Variants in ZNF618 observed in about 807,000 individuals in gnomAD.
The protein encoded by ZNF618 is zinc finger protein 618.
A neutral mutation model predicts 103.0 loss-of-function variants in ZNF618; 34 were observed. The observed-to-expected ratio is 0.33, with a 90% confidence interval of 0.25 to 0.44. ZNF618 has a LOEUF of 0.44. ZNF618 is among the 20% of genes least tolerant of loss of function. ZNF618 has a pLI of 1.00. For missense variants in ZNF618, 1,059 were observed against 1,295.4 expected, an observed-to-expected ratio of 0.82 and a Z score of 2.80; for synonymous variants, 551 against 542.2, an observed-to-expected ratio of 1.02 and a Z score of -0.23.
At chr9:113,885,114 C>A (rs1828940480) in intron 1 of ZNF618, among the ~76,000 whole-genome samples, 1 of 152,100 alleles carries the variant, frequency 6.6e-6, no homozygotes, top group African/African-American at 2.4e-5. Flanking sequence ...AGGGGAGACG[C>A]CTGTGGCTAG....
chr9:114,019,812 A>T (rs1842928654), intron 10 of ZNF618, among the ~76,000 whole-genome samples: 1 of 152,142 alleles, frequency 6.6e-6, no homozygotes, highest in Non-Finnish European at 1.5e-5. Flanking sequence ...TGATTTTCAT[A>T]CAGCATCATT....
chr9:113,890,158 A>AT (rs1829482208), intron 1 of ZNF618, among the ~76,000 whole-genome samples: 3 of 152,118 alleles, frequency 2.0e-5, no homozygotes, highest in South Asian at 2.1e-4. Flanking sequence ...CTCCACTTCC[A>AT]TTTTTTTCCC....
intron 13 of ZNF618, among the ~76,000 whole-genome samples, chr9:114,042,087 T>C (rs1845241869): frequency 1.3e-5 from 2 of 152,226 alleles, no homozygotes; most frequent in Admixed American, 1.3e-4. Context: ...AGGCTATTTG[T>C]TTTCATTGGA....
chr9:113,982,481 A>T (rs568271095), intron 2 of ZNF618, among the ~76,000 whole-genome samples: 1 of 152,192 alleles, frequency 6.6e-6, no homozygotes, highest in Admixed American at 6.5e-5. Context: ...GAGGACACTT[A>T]CTGCATTTAG....
At chr9:114,048,382 A>C (rs1222119630) in intron 14 of ZNF618, among the ~76,000 whole-genome samples, 1 of 152,194 alleles carries the variant, frequency 6.6e-6, no homozygotes, top group African/African-American at 2.4e-5. Flanking sequence ...GGCTTCAAAG[A>C]TCTAGGGGAA....
intron 1 of ZNF618, among the ~76,000 whole-genome samples, chr9:113,922,601 GGTATATTTTT>G (rs989970098): frequency 6.6e-6 from 1 of 151,526 alleles, no homozygotes; most frequent in East Asian, 1.9e-4. Flanking sequence ...TATTAGTTTG[GGTATATTTTT>G]GGGCTTTCTA....
chr9:114,041,091 G>C (rs1436301445), intron 13 of ZNF618, among the ~76,000 whole-genome samples: 6 of 152,176 alleles, frequency 3.9e-5, no homozygotes, highest in South Asian at 2.1e-4. Context: ...GTGATGATGA[G>C]CATTTTTTCA....
At chr9:114,036,922 T>C (rs962297900) in intron 13 of ZNF618, among the ~76,000 whole-genome samples, 4 of 152,220 alleles carry the variant, frequency 2.6e-5, no homozygotes, top group African/African-American at 9.6e-5. Context: ...GGCTCCATTG[T>C]GAATTTCTGA....
At chr9:113,989,945 T>G (rs150460600) in intron 3 of ZNF618, among the ~76,000 whole-genome samples, 179 of 152,332 alleles carry the variant, frequency 1.2e-3, no homozygotes, top group African/African-American at 4.1e-3. Context: ...GCTCCCCTGC[T>G]TATACCCTGG....
chr9:113,879,075 C>G (rs13286376), intron 1 of ZNF618, among the ~76,000 whole-genome samples: 1 of 148,710 alleles, frequency 6.7e-6, no homozygotes, highest in East Asian at 2.0e-4. Flanking sequence ...ATGAGTAGGA[C>G]GGTCAAGGAA....
intron 1 of ZNF618, among the ~76,000 whole-genome samples, chr9:113,939,690 T>C (rs1027535301): frequency 3.3e-5 from 5 of 152,136 alleles, no homozygotes; most frequent in Non-Finnish European, 7.4e-5. Flanking sequence ...TTTTGGGTAA[T>C]TTTTATTATT....
At chr9:113,958,634 G>T (rs770950686) in intron 1 of ZNF618, among the ~76,000 whole-genome samples, 22 of 152,294 alleles carry the variant, frequency 1.4e-4, no homozygotes, top group East Asian at 5.8e-4. Context: ...TGCATCCAGC[G>T]TCCCATTCAC....
chr9:113,991,946 A>G (rs886640017), intron 3 of ZNF618, among the ~76,000 whole-genome samples: 3 of 152,210 alleles, frequency 2.0e-5, no homozygotes, highest in Non-Finnish European at 4.4e-5. Flanking sequence ...CTCATCTTGC[A>G]TGCTGGAAGT....
At chr9:113,935,721 T>C (rs1833970696) in intron 1 of ZNF618, among the ~76,000 whole-genome samples, 1 of 152,162 alleles carries the variant, frequency 6.6e-6, no homozygotes, top group Non-Finnish European at 1.5e-5. Context: ...GGATACTGTC[T>C]GGACTGCAAA....
In ZNF618 at chr9:114,053,271, C is replaced by G. The variant is rs1173480456; in HGVS notation, c.*3104C>G. On this transcript the variant is annotated 3_prime_UTR_variant, in exon 15 of 15. Coordinates refer to ENST00000374126, the MANE Select transcript of ZNF618 (RefSeq NM_001318042.2). ...TTCAGCCAAAGGATTGAGACAGGCT[C>G]TTCCAGTTCATCTCCTGGTGTCCAG... 1 of 152,402 alleles carries G rather than the reference C, an allele frequency of 6.6e-6. No individual in the cohort carries two copies. The highest frequency in any genetic ancestry group is 1.9e-4 in the East Asian group (1 of 5,198). 9.4% of individuals were successfully genotyped at this position (152,402 alleles called of 1,614,324 possible).
At chr9:113,920,314 G>C (rs1378616785) in intron 1 of ZNF618, among the ~76,000 whole-genome samples, 1 of 152,082 alleles carries the variant, frequency 6.6e-6, no homozygotes, top group Non-Finnish European at 1.5e-5. Flanking sequence ...GAGCCTGCGG[G>C]GTGCAGTCCA....
rs763243854 is a variant in ZNF618 at position 114,049,746 on chromosome 9, G to A, written c.2444G>A (p.Arg815Gln). Residue 815 changes from arginine (R) to glutamine (Q), a missense_variant, in exon 15 of 15, where the codon CGG becomes CAG. This residue lies in a region of ZNF618 where 156 missense variants were observed against 197.1 expected (regional missense o/e 0.79). Transcript: ENST00000374126. ...AMILDPQQKLRPVPPYQHEEI... is the reference protein window; with the variant it reads ...AMILDPQQKLQPVPPYQHEEI... Reference sequence around the variant, plus strand: ...ATCCTGGACCCGCAGCAGAAGCTGCGGCCTGTGCCACCCTACCAGCACGAG... The same window carrying A: ...ATCCTGGACCCGCAGCAGAAGCTGCAGCCTGTGCCACCCTACCAGCACGAG... 12 of 1,613,886 alleles carry A rather than the reference G, an allele frequency of 7.4e-6. No homozygotes were observed. The East Asian group carries it at 1.1e-4, about 15-fold the overall frequency.
At chr9:114,025,895 C>T (rs1311803095) in intron 10 of ZNF618, among the ~76,000 whole-genome samples, 3 of 152,222 alleles carry the variant, frequency 2.0e-5, no homozygotes, top group African/African-American at 4.8e-5. Flanking sequence ...CTCTTGAGCA[C>T]TGTGTTTCAG....
chr9:113,922,933 A>T (rs1287602325), intron 1 of ZNF618, among the ~76,000 whole-genome samples: 1 of 152,240 alleles, frequency 6.6e-6, no homozygotes, highest in African/African-American at 2.4e-5. Context: ...CCCTCCATGA[A>T]CATGGAATAT....
Sources: gnomAD v4.1 joint callset for allele counts (sites outside exome capture counted in the v4.1 genomes callset) on GRCh38, gnomAD v4.1.1 for gene constraint, gnomAD v4.1.1 regional missense constraint, MANE v1.5 for transcripts, NCBI Gene and HGNC (gene_info 2026-07-23, HGNC 2026-07-21) for gene names.